The following MCM3 variants were observed in gnomAD, a reference collection of about 807,000 sequenced individuals.
The protein encoded by MCM3 is DNA replication licensing factor MCM3.
Under a neutral mutation model 91.3 loss-of-function variants are expected in MCM3, and 59 were observed. The observed-to-expected ratio is 0.65, with a 90% confidence interval of 0.52 to 0.80. The LOEUF (loss-of-function observed/expected upper bound fraction) is 0.80. Among genes scored for constraint, MCM3 ranks in the 30% least tolerant of loss-of-function variants. The pLI is 0.00. For missense variants in MCM3, 919 were observed against 1,035.4 expected (o/e 0.89, Z 1.54); for synonymous variants, 383 against 379.6 (o/e 1.01, Z -0.10).
chr6:52,266,519 G>T, intron 15 of MCM3, 92 bp downstream of exon 15: 1 of 1,145,352 alleles, frequency 8.7e-7, no homozygotes, highest in Non-Finnish European at 1.3e-6. Flanking sequence ...CAAACAAACA[G>T]GAGTCCACAA....
At chr6:52,282,580 C>G (rs1766198533) in intron 3 of MCM3, 73 bp downstream of exon 3, 1 of 1,432,382 alleles carries the variant, frequency 7.0e-7, no homozygotes, top group Non-Finnish European at 9.8e-7. Context: ...CTACCCAGAT[C>G]TACTTTGCCT....
chr6:52,265,924 T>C, intron 16 of MCM3, 151 bp downstream of exon 16: 3 of 559,966 alleles, frequency 5.4e-6, no homozygotes, highest in Non-Finnish European at 9.5e-6. Flanking sequence ...TGAAATTAAA[T>C]GAGAATATAA....
rs781624423 is a variant in MCM3 at position 52,279,532 on chromosome 6, G to A, written c.599C>T (p.Thr200Ile). 1 of 1,614,150 alleles carries A rather than the reference G, an allele frequency of 6.2e-7. No individual in the cohort carries two copies. Among genetic ancestry groups the A allele is most frequent in the Non-Finnish European group, 8.5e-7 (1 of 1,180,040 alleles). ...LSVYKDHQTITIQEMPEKAPA... is the reference protein window; with the variant it reads ...LSVYKDHQTIIIQEMPEKAPA... The stretch of plus-strand genomic sequence containing the variant: ...GGCCTTCTCCGGCATCTCCTGGATG[G>A]TGATGGTCTGGTGATCCTTGTAGAC... Residue 200 changes from threonine (T) to isoleucine (I), a missense_variant, in exon 5 of 17, where the codon ACC (threonine) becomes ATC (isoleucine). Physicochemically the swap from Thr to Ile is moderately conservative, Grantham distance 89. Coordinates refer to ENST00000596288, the MANE Select transcript of MCM3 (RefSeq NM_002388.6).
At chr6:52,281,083 A>T (rs1032235805) in intron 4 of MCM3, among the ~76,000 whole-genome samples, 3 of 152,206 alleles carry the variant, frequency 2.0e-5, no homozygotes, top group African/African-American at 7.2e-5. Context: ...TGTTTGATAG[A>T]ATCAGTTCAG....
intron 1 of MCM3, among the ~76,000 whole-genome samples, chr6:52,283,851 T>C (rs1166231917): frequency 6.6e-6 from 1 of 151,946 alleles, no homozygotes; most frequent in Non-Finnish European, 1.5e-5. Flanking sequence ...TATCAAAACA[T>C]GTGCACTTCA....
intron 7 of MCM3, 78 bp from the exon 8 acceptor site, chr6:52,277,276 C>T (rs867483379): frequency 6.7e-7 from 1 of 1,487,996 alleles, no homozygotes; most frequent in Middle Eastern, 2.4e-4. Context: ...TAGCACAGCT[C>T]TTGACACAAC....
At position 52,283,277 on chromosome 6, in the gene MCM3, A is replaced by G; in HGVS notation, c.191+17T>C. ...AGCCATTCTCACTGACAGCCAGTAT[A>G]TCCCCTTGCCTCTCACCGGTTAGCC... On this transcript the variant is annotated intron_variant, in intron 2 of 16. Coordinates refer to ENST00000596288, the MANE Select transcript of MCM3 (RefSeq NM_002388.6). 1 of 1,600,248 alleles carries G rather than the reference A, an allele frequency of 6.2e-7. No individual in the cohort carries two copies. The highest frequency in any genetic ancestry group is 8.6e-7 in the Non-Finnish European group (1 of 1,167,442).
At position 52,282,069 on chromosome 6, in the gene MCM3, G is replaced by A; in HGVS notation, c.507C>T (p.Pro169=). The change falls in exon 4 of 17, where the codon CCC becomes CCT. Residue 169 remains proline, a synonymous_variant. Coordinates refer to ENST00000596288, the MANE Select transcript of MCM3 (RefSeq NM_002388.6). The stretch of plus-strand genomic sequence containing the variant: ...CCTTGGTAGGATAGACAGAGCTGGA[G>A]GGAAAGGCCACCAGGGTGGTGAGAT... ...YSDLTTLVAF[P]SSSVYPTKDE... is the part of the protein sequence containing the mutation. The A allele has an allele frequency of 6.2e-7, 1 of 1,614,182 alleles. No individual in the cohort carries two copies. Among genetic ancestry groups the A allele is most frequent in the Non-Finnish European group, 8.5e-7 (1 of 1,180,030 alleles).
intron 12 of MCM3, 22 bp from the exon 13 acceptor site, chr6:52,269,248 T>C: frequency 1.3e-6 from 2 of 1,595,252 alleles, no homozygotes; most frequent in South Asian, 2.2e-5. Context: ...AAGGGAGGAT[T>C]GCTTATCCCA....
rs556994360 is a variant in MCM3, at chr6:52,264,612, A to G, written c.2403T>C (p.Ser801=). 6.2e-7 allele frequency: 1 copy of G among 1,614,236 alleles called. No individual in the cohort carries two copies. Among genetic ancestry groups the G allele is most frequent in the South Asian group, 1.1e-5 (1 of 91,080 alleles). ...CTCAGATGAGGAAGATGATGCCCTCAGACACCATGACCTGATTGTCATCCT... is the reference window on the plus strand; with the variant it reads ...CTCAGATGAGGAAGATGATGCCCTCGGACACCATGACCTGATTGTCATCCT... ...KMQDDNQVMV[S]EGIIFLI Residue 801 remains serine (S), a synonymous_variant, in exon 17 of 17, where the codon TCT becomes TCC. Coordinates refer to ENST00000596288, the MANE Select transcript of MCM3 (RefSeq NM_002388.6).
chr6:52,283,193 T>C, intron 2 of MCM3, 101 bp downstream of exon 2: 2 of 946,080 alleles, frequency 2.1e-6, no homozygotes, highest in Non-Finnish European at 3.4e-6. Context: ...TGTAGATCAA[T>C]CCTGTTTCAT....
rs1000512618 is a variant in MCM3 at position 52,282,693 on chromosome 6, G to A, written c.360C>T (p.Phe120=). The A allele has an allele frequency of 6.2e-7, 1 of 1,613,772 alleles. No individual in the cohort carries two copies. Among genetic ancestry groups the A allele is most frequent in the African/African-American group, 1.3e-5 (1 of 75,036 alleles). Residue 120 remains phenylalanine, a synonymous_variant, in exon 3 of 17, where the codon TTC becomes TTT. Transcript: ENST00000596288. ...CCTCCACACAGACCACACAGCTGAG[G>A]AAGCAGGAGGTAAGAGTCCGCGGGG... ...HVSPRTLTSC[F]LSCVVCVEGI... is the part of the protein sequence containing the mutation.
chr6:52,271,889 G>GT (rs1765166345), intron 12 of MCM3, among the ~76,000 whole-genome samples: 2 of 152,132 alleles, frequency 1.3e-5, no homozygotes, highest in Non-Finnish European at 2.9e-5. Flanking sequence ...TCATTCCTTT[G>GT]TAAGTACCAC....
intron 8 of MCM3, 109 bp from the exon 9 acceptor site, chr6:52,276,585 C>T: frequency 2.1e-6 from 2 of 931,666 alleles, no homozygotes; most frequent in Non-Finnish European, 3.2e-6. Context: ...CGTGAGAATG[C>T]GGCAATGGTG....
At position 52,273,906 on chromosome 6, in the gene MCM3, T is replaced by C. The variant is rs1224318959; in HGVS notation, c.1385A>G (p.Tyr462Cys). 1.9e-6 allele frequency: 3 copies of C among 1,609,984 alleles called. No individual in the cohort carries two copies. Among genetic ancestry groups the C allele is most frequent in the Admixed American group, 1.7e-5 (1 of 59,478 alleles). ...CCCAATGTTCTCCATTGGAGTCTTA[T>C]ACTGGTCATACTGGGGAATGCGAGG... ...ANPVYGRYDQ[Y>C]KTPMENIGLQ... The change falls in exon 10 of 17, where the codon TAT becomes TGT. Residue 462 changes from tyrosine to cysteine, a missense_variant. Around this residue, in one of 3 missense-constraint regions of MCM3, gnomAD observed 233 missense variants for 321.2 expected, o/e 0.73. Coordinates refer to ENST00000596288, the MANE Select transcript of MCM3 (RefSeq NM_002388.6).
At chr6:52,280,376 TTGAG>T (rs953262158) in intron 4 of MCM3, among the ~76,000 whole-genome samples, 5 of 152,268 alleles carry the variant, frequency 3.3e-5, no homozygotes, top group Admixed American at 6.5e-5. Flanking sequence ...TTGTCACTTA[TTGAG>T]TGTTTGCTAT....
chr6:52,283,222 G>C, intron 2 of MCM3, 72 bp downstream of exon 2: 1 of 1,217,398 alleles, frequency 8.2e-7, no homozygotes, highest in South Asian at 1.2e-5. Context: ...TCTCCTGAGA[G>C]GCTGTTCCAA....
intron 14 of MCM3, 142 bp downstream of exon 14, chr6:52,267,723 G>A: frequency 3.1e-6 from 2 of 642,008 alleles, no homozygotes; most frequent in Non-Finnish European, 5.7e-6. Context: ...AGACAGTTTT[G>A]CCATATTTCC....
intron 16 of MCM3, among the ~76,000 whole-genome samples, chr6:52,265,585 TAAATACAC>T (rs1764582270): frequency 6.6e-6 from 1 of 152,200 alleles, no homozygotes; most frequent in Non-Finnish European, 1.5e-5. Context: ...TTTTTTTCAG[TAAATACAC>T]TGTATTATGT....
Sources: gnomAD v4.1 joint callset for allele counts (sites outside exome capture counted in the v4.1 genomes callset) on GRCh38, gnomAD v4.1.1 for gene constraint, gnomAD v4.1.1 regional missense constraint, MANE v1.5 for transcripts, NCBI Gene and HGNC (gene_info 2026-07-23, HGNC 2026-07-21) for gene names.